The following TBC1D1 variants were observed in gnomAD, a reference collection of about 807,000 sequenced individuals.
The protein encoded by TBC1D1 is TBC1 (tre-2/USP6, BUB2, cdc16) domain family, member 1.
TBC1D1 carries 89 observed loss-of-function variants against 125.6 expected under a neutral mutation model. The observed-to-expected ratio is 0.71, with a 90% CI of 0.60 to 0.85. TBC1D1 has a LOEUF of 0.85. TBC1D1 is among the 40% of genes least tolerant of loss of function. The probability of loss-of-function intolerance (pLI) is 0.00; values close to 1 mark genes in which losing one functional copy is unlikely to be tolerated. For synonymous variants in TBC1D1, 565 were observed against 564.1 expected (o/e 1.00, Z -0.02); for missense variants, 1,377 against 1,469.2 (o/e 0.94, Z 1.03).
At chr4:37,949,015 C>A (rs1241308190) in intron 2 of TBC1D1, among the ~76,000 whole-genome samples, 1 of 152,178 alleles carries the variant, frequency 6.6e-6, no homozygotes, top group Non-Finnish European at 1.5e-5. Context: ...TTTATCCAAT[C>A]GTCAGTTGAT....
Position 38,137,990 on chromosome 4 carries a change from T to A in TBC1D1, c.*655T>A, listed in dbSNP as rs1455118814. The A allele has an allele frequency of 2.0e-5, 3 of 152,610 alleles. No homozygotes were observed. The highest frequency in any genetic ancestry group is 7.2e-5 in the African/African-American group (3 of 41,438). The allele number at this position is 152,610 out of a possible 1,614,324, so 9.5% of individuals were successfully genotyped here. Reference sequence around the variant, plus strand: ...TTTGAGGACTTTGTTCTACATCAGATTTTACTATTTGAATGTTTAAGATCA... The same window carrying A: ...TTTGAGGACTTTGTTCTACATCAGAATTTACTATTTGAATGTTTAAGATCA... On this transcript the variant is annotated 3_prime_UTR_variant, in exon 20 of 20. Transcript: ENST00000261439.
rs765501936 is a variant in TBC1D1 at position 38,027,836 on chromosome 4, C to T, written c.1259C>T (p.Thr420Ile). The T allele has an allele frequency of 3.1e-6, 5 of 1,613,708 alleles. No individual in the cohort carries two copies. The South Asian group carries it at 4.4e-5, about 14-fold the overall frequency. The change falls in exon 7 of 20, where the codon ACA (threonine) becomes ATA (isoleucine). Residue 420 changes from threonine to isoleucine, a missense_variant. Thr to Ile is a moderately conservative substitution (Grantham distance 89). Coordinates refer to ENST00000261439, the MANE Select transcript of TBC1D1 (RefSeq NM_015173.4). ...CTAGAACTGCAAAAGCACCTGACGA[C>T]ATTAACCAATCAGGAGCAGGCGACT...
chr4:38,004,217 A>G (rs1488373864), intron 2 of TBC1D1, among the ~76,000 whole-genome samples: 1 of 152,182 alleles, frequency 6.6e-6, no homozygotes, highest in Non-Finnish European at 1.5e-5. Flanking sequence ...ACGAGAGTTC[A>G]TCTCTACTCT....
chr4:38,052,493 G>A (rs531316514), intron 11 of TBC1D1, among the ~76,000 whole-genome samples: 3 of 151,390 alleles, frequency 2.0e-5, no homozygotes, highest in South Asian at 2.1e-4. Flanking sequence ...CACCATGCCC[G>A]GCTAATATTT....
At chr4:37,922,586 C>G (rs549398734) in intron 2 of TBC1D1, among the ~76,000 whole-genome samples, 42 of 152,310 alleles carry the variant, frequency 2.8e-4, no homozygotes, top group African/African-American at 9.9e-4. Flanking sequence ...TCTGAGACTC[C>G]CTCGCTTTGT....
At position 38,014,611 on chromosome 4, in the gene TBC1D1, G is replaced by T. The variant is rs1742241364; in HGVS notation, c.520G>T (p.Glu174Ter). ...CGACGACACGTTTTCCAAGAAGTTCGAGGTGCTCTTCTGCGGCCGCGTGAC... is the reference window on the plus strand; with the variant it reads ...CGACGACACGTTTTCCAAGAAGTTCTAGGTGCTCTTCTGCGGCCGCGTGAC... Residue 174 changes from glutamate (E) to a stop codon, truncating the protein, a stop_gained, in exon 3 of 20, where the codon GAG (glutamate) becomes TAG (stop). Coordinates refer to ENST00000261439, the MANE Select transcript of TBC1D1 (RefSeq NM_015173.4). LOFTEE classifies it high-confidence loss of function. This position sits in a 1 kb window ranked among gnomAD's most constrained non-coding sequence, Gnocchi z 5.1. 1.2e-6 allele frequency: 2 copies of T among 1,613,326 alleles called. No individual in the cohort carries two copies. The highest frequency in any genetic ancestry group is 1.7e-6 in the Non-Finnish European group (2 of 1,180,036).
chr4:38,009,537 T>C (rs1029435322), intron 2 of TBC1D1, among the ~76,000 whole-genome samples: 3 of 152,224 alleles, frequency 2.0e-5, no homozygotes, highest in Admixed American at 1.3e-4. Context: ...TAATCCTTTA[T>C]AATCCCTAAA....
intron 12 of TBC1D1, among the ~76,000 whole-genome samples, chr4:38,061,443 C>T (rs1379097994): frequency 6.6e-6 from 1 of 152,174 alleles, no homozygotes. Flanking sequence ...GGGGAAAAAT[C>T]ATTTTATTTA....
At chr4:38,052,698 GTA>G (rs762760327) in intron 11 of TBC1D1, among the ~76,000 whole-genome samples, 3,336 of 144,262 alleles carry the variant, frequency 0.023, 58 homozygotes, top group Middle Eastern at 0.031. Flanking sequence ...ACATGCATGC[GTA>G]TATACACACA....
intron 11 of TBC1D1, among the ~76,000 whole-genome samples, 200 bp downstream of exon 13, chr4:38,053,425 A>G (rs1046836790): frequency 2.0e-5 from 3 of 152,224 alleles, no homozygotes; most frequent in African/African-American, 7.2e-5. Context: ...AGTTTTGACG[A>G]GGATTAGTTT....
intron 2 of TBC1D1, among the ~76,000 whole-genome samples, chr4:37,905,750 G>A (rs751540450): frequency 3.3e-5 from 5 of 152,202 alleles, no homozygotes; most frequent in African/African-American, 7.2e-5. Context: ...GTCCACTTTC[G>A]CTTTGACTGG....
chr4:38,033,025 T>C (rs1226471970), intron 7 of TBC1D1, among the ~76,000 whole-genome samples: 3 of 152,222 alleles, frequency 2.0e-5, no homozygotes, highest in Non-Finnish European at 4.4e-5. Flanking sequence ...TAGTGACTTC[T>C]GTATGATGTT....
chr4:37,961,287 C>G (rs894103229), intron 2 of TBC1D1, among the ~76,000 whole-genome samples: 1 of 152,070 alleles, frequency 6.6e-6, no homozygotes, highest in Non-Finnish European at 1.5e-5. Context: ...GAGAAAAGGC[C>G]AGGGCCAGGC....
intron 12 of TBC1D1, among the ~76,000 whole-genome samples, chr4:38,084,834 G>T (rs940336326): frequency 6.6e-6 from 1 of 152,080 alleles, no homozygotes; most frequent in African/African-American, 2.4e-5. Context: ...GGAGAATAAG[G>T]ATCTGTCTAC....
chr4:38,108,294 G>C (rs1336789482), intron 15 of TBC1D1, among the ~76,000 whole-genome samples: 1 of 152,160 alleles, frequency 6.6e-6, no homozygotes. Context: ...ACACTTTCCA[G>C]CCATCAGCTG....
At chr4:37,985,532 G>T (rs1441011764) in intron 2 of TBC1D1, among the ~76,000 whole-genome samples, 2 of 152,108 alleles carry the variant, frequency 1.3e-5, no homozygotes, top group African/African-American at 4.8e-5. Context: ...ACTTTGCTGA[G>T]CCTGTTTTCT....
Position 38,095,999 on chromosome 4 carries a change from A to C in TBC1D1, c.2307A>C (p.Glu769Asp). ...AAGAAATTACTCCCTGTCTTAAAGA[A>C]GTAACTACAGTGTGGGAAAAGATGC... The change falls in exon 14 of 20, where the codon GAA becomes GAC. Residue 769 changes from glutamate to aspartate, a missense_variant. By Grantham distance (45) the Glu-to-Asp change is conservative. Around this residue, in one of 3 missense-constraint regions of TBC1D1, gnomAD observed 543 missense variants for 613.5 expected, o/e 0.89. Coordinates refer to ENST00000261439, the MANE Select transcript of TBC1D1 (RefSeq NM_015173.4). 6.2e-7 allele frequency: 1 copy of C among 1,614,124 alleles called. No individual in the cohort carries two copies. Among genetic ancestry groups the C allele is most frequent in the Non-Finnish European group, 8.5e-7 (1 of 1,179,968 alleles).
At chr4:38,040,514 C>T (rs951653255) in intron 8 of TBC1D1, among the ~76,000 whole-genome samples, 2 of 152,196 alleles carry the variant, frequency 1.3e-5, no homozygotes, top group Admixed American at 1.3e-4. Context: ...TTCTCCGTCT[C>T]TTGTCCTCGT....
At chr4:38,038,933 G>T (rs889961282) in intron 8 of TBC1D1, among the ~76,000 whole-genome samples, 2 of 147,976 alleles carry the variant, frequency 1.4e-5, no homozygotes, top group Non-Finnish European at 3.0e-5. Flanking sequence ...GCGACAGAGA[G>T]AGACTCCCTC....
Sources: allele counts gnomAD v4.1 joint callset (sites outside exome capture counted in the v4.1 genomes callset), GRCh38; gene constraint gnomAD v4.1.1; regional missense constraint gnomAD v4.1.1; non-coding constraint Gnocchi (gnomAD v3.1); transcripts MANE v1.5; gene names NCBI Gene and HGNC (gene_info 2026-07-23, HGNC 2026-07-21).